Variants in KCTD2 observed in about 807,000 individuals in gnomAD.
KCTD2 encodes potassium channel tetramerization domain containing 2, also known as BTB/POZ domain-containing protein KCTD2.
Under a neutral mutation model 27.9 loss-of-function variants are expected in KCTD2, and 18 were observed. The ratio of observed to expected loss-of-function variants is 0.64; its 90% confidence interval spans 0.45 to 0.96. KCTD2 has a LOEUF of 0.96. Ranked by LOEUF, KCTD2 falls within the 40% of genes least tolerant of loss-of-function variation. KCTD2 has a pLI of 0.00. For synonymous variants in KCTD2, 175 were observed against 148.4 expected, an observed-to-expected ratio of 1.18 and a Z score of -1.30; for missense variants, 280 against 348.0, an observed-to-expected ratio of 0.80 and a Z score of 1.56.
chr17:75,063,109 G>GA lies in KCTD2; in HGVS notation c.*65dup, dbSNP rs1419753014. 1 of 1,475,772 alleles carries GA rather than the reference G, an allele frequency of 6.8e-7. No individual in the cohort carries two copies. The highest frequency in any genetic ancestry group is 9.5e-7 in the Non-Finnish European group (1 of 1,057,398). The allele number at this position is 1,475,772 out of a possible 1,614,324, so 91.4% of individuals were successfully genotyped here. A position where few individuals can be genotyped will look rare whatever the true frequency, so the allele number is the denominator to read the frequency against. ...AGTCAGCAGAGCCCCTCTGTGAAGT[G>GA]AAACCTCACTCCTGTCCAGTGACCG... On this transcript the variant is annotated 3_prime_UTR_variant, in exon 6 of 6. Transcript: ENST00000322444.
intron 4 of KCTD2, among the ~76,000 whole-genome samples, chr17:75,061,562 A>T (rs571605547): frequency 1.1e-4 from 16 of 152,214 alleles, no homozygotes; most frequent in Non-Finnish European, 1.9e-4. Flanking sequence ...ACGTGGGAGG[A>T]TCACTTGAGA....
In KCTD2 at chr17:75,064,396, T is replaced by C. The variant is rs2073436038; in HGVS notation, c.*1349T>C. 1 of 152,224 alleles carries C rather than the reference T, an allele frequency of 6.6e-6. No individual in the cohort carries two copies. The highest frequency in any genetic ancestry group is 1.5e-5 in the Non-Finnish European group (1 of 68,066). 9.4% of individuals were successfully genotyped at this position (152,224 alleles called of 1,614,324 possible). A position where few individuals can be genotyped will look rare whatever the true frequency, so the allele number is the denominator to read the frequency against. ...GGAAGGGGCTCTGGGGACTTCTCCTTCTATGAAAGCCTCCTCGAGCCAGGT... is the reference window on the plus strand; with the variant it reads ...GGAAGGGGCTCTGGGGACTTCTCCTCCTATGAAAGCCTCCTCGAGCCAGGT... On this transcript the variant is annotated 3_prime_UTR_variant, in exon 6 of 6. Transcript: ENST00000322444.
chr17:75,053,865 T>G (rs1325125966), intron 3 of KCTD2, among the ~76,000 whole-genome samples: 1 of 135,388 alleles, frequency 7.4e-6, no homozygotes, highest in African/African-American at 2.9e-5. Context: ...ATGCTTTTTT[T>G]TTTTTTTTTT....
At chr17:75,056,150 G>T (rs1020128371) in intron 3 of KCTD2, among the ~76,000 whole-genome samples, 1 of 152,180 alleles carries the variant, frequency 6.6e-6, no homozygotes, top group Non-Finnish European at 1.5e-5. Context: ...GAAGAGAAGG[G>T]CTTATTCATT....
chr17:75,045,645 G>A (rs1275603383), upstream of KCTD2, among the ~76,000 whole-genome samples: 4 of 149,936 alleles, frequency 2.7e-5, no homozygotes, highest in South Asian at 4.3e-4. Context: ...CCGGCTCACC[G>A]GCGGTCAGAG....
At position 75,040,035 on chromosome 17, in the gene KCTD2, T is replaced by G. The variant is rs565404599; in HGVS notation, c.-259+4678T>G. 2.0e-5 allele frequency: 32 copies of G among 1,577,334 alleles called. No homozygotes were observed. In the African/African-American group the frequency reaches 2.2e-4, roughly 11 times the overall value. ...TCACTCTAACTTAACTTAGCTATAA[T>G]AGAGAGCTGTCAAGATCAAGAGAAT... On this transcript the variant is annotated intron_variant, in intron 3 of 7. Transcript: ENST00000581589.
intron 3 of KCTD2, chr17:75,039,833 G>A (rs890717898): frequency 4.2e-6 from 2 of 474,058 alleles, no homozygotes; most frequent in African/African-American, 2.0e-5. Context: ...CCATCCCCAG[G>A]CAGCCACTGT....
chr17:75,039,873 A>G (rs1340617137), intron 3 of KCTD2: 7 of 573,582 alleles, frequency 1.2e-5, no homozygotes, highest in African/African-American at 3.8e-5. Context: ...GAGTCTTACA[A>G]AGATGGAATC....
intron 4 of KCTD2, chr17:75,060,389 C>T: frequency 3.4e-6 from 5 of 1,486,910 alleles, no homozygotes; most frequent in Non-Finnish European, 4.6e-6. Flanking sequence ...TTCAAGTGAT[C>T]CTCTGCCACT....
At position 75,042,020 on chromosome 17, in the gene KCTD2, C is replaced by T. The variant is rs148316648; in HGVS notation, c.-259+6663C>T. On this transcript the variant is annotated intron_variant, in intron 3 of 7. Transcript: ENST00000581589. ...ATGAACAGAGCCTAAATTCCTGCAC[C>T]TATTTACAGTTCAATCGACCACAAG... The T allele has an allele frequency of 4.9e-3, 2,958 of 604,216 alleles. 9 individuals are homozygous for T. Among genetic ancestry groups the T allele is most frequent in the Non-Finnish European group, 7.0e-3 (2,418 of 346,612 alleles). The allele number at this position is 604,216 out of a possible 1,614,324, so 37.4% of individuals were successfully genotyped here. A position where few individuals can be genotyped will look rare whatever the true frequency, so the allele number is the denominator to read the frequency against.
At chr17:75,042,197 TCCA>T (rs1222265176) in intron 3 of KCTD2, 3 of 1,614,050 alleles carry the variant, frequency 1.9e-6, no homozygotes, top group South Asian at 2.2e-5. Flanking sequence ...CTCAAAGTCA[TCCA>T]CCAAGCCAGC....
At chr17:75,061,223 C>G (rs2073401414) in intron 4 of KCTD2, among the ~76,000 whole-genome samples, 1 of 152,250 alleles carries the variant, frequency 6.6e-6, no homozygotes, top group Admixed American at 6.5e-5. Context: ...CTACCACAGT[C>G]AGCCATGCCG....
intron 2 of KCTD2, among the ~76,000 whole-genome samples, chr17:75,051,916 T>G (rs2073292519): frequency 6.6e-6 from 1 of 152,196 alleles, no homozygotes; most frequent in Non-Finnish European, 1.5e-5. Flanking sequence ...GGCCTTTGAG[T>G]TCATTTAGCA....
intron 5 of KCTD2, among the ~76,000 whole-genome samples, chr17:75,062,699 A>AACACACAC (rs10533801): frequency 0.042 from 4,866 of 115,992 alleles, 271 homozygotes; most frequent in African/African-American, 0.079. Flanking sequence ...CCTCACCCCC[A>AACACACAC]ACACACACAC....
chr17:75,048,443 G>T (rs956891659), intron 1 of KCTD2, among the ~76,000 whole-genome samples: 4 of 152,180 alleles, frequency 2.6e-5, no homozygotes, highest in African/African-American at 9.7e-5. Context: ...CAGAGCTGGA[G>T]TTGCGTAAAC....
intron 3 of KCTD2, chr17:75,039,158 T>C (rs1598684423): frequency 6.2e-7 from 1 of 1,612,300 alleles, no homozygotes; most frequent in Non-Finnish European, 8.5e-7. Flanking sequence ...AGATGTGTGG[T>C]CATGAAAGAG....
chr17:75,065,836 A>T lies in KCTD2; in HGVS notation c.*2789A>T, dbSNP rs565281208. ...TGTTTGTGTGTTTGAATAGTCTGAAATGCTGTGACTTTTTTTGTGTGAATA... is the reference window on the plus strand; with the variant it reads ...TGTTTGTGTGTTTGAATAGTCTGAATTGCTGTGACTTTTTTTGTGTGAATA... On this transcript the variant is annotated 3_prime_UTR_variant, in exon 6 of 6. Transcript: ENST00000322444. The T allele has an allele frequency of 2.6e-5, 4 of 152,182 alleles. No individual in the cohort carries two copies. The highest frequency in any genetic ancestry group is 5.9e-5 in the Non-Finnish European group (4 of 68,032). 9.4% of individuals were successfully genotyped at this position (152,182 alleles called of 1,614,324 possible). A position where few individuals can be genotyped will look rare whatever the true frequency, so the allele number is the denominator to read the frequency against.
chr17:75,057,555 CTTTT>C (rs531046978), intron 3 of KCTD2, among the ~76,000 whole-genome samples: 1 of 133,364 alleles, frequency 7.5e-6, no homozygotes, highest in Non-Finnish European at 1.6e-5. Context: ...AGCTATACCT[CTTTT>C]TTTTTTTTTT....
At chr17:75,045,105 C>T (rs914363188), upstream of KCTD2, among the ~76,000 whole-genome samples, 1 of 152,062 alleles carries the variant, frequency 6.6e-6, no homozygotes, top group Non-Finnish European at 1.5e-5. Flanking sequence ...GCTGGGCGTC[C>T]GGGGGAGACA....
Sources: gnomAD v4.1 joint callset for allele counts (sites outside exome capture counted in the v4.1 genomes callset) on GRCh38, gnomAD v4.1.1 for gene constraint, MANE v1.5 for transcripts, NCBI Gene and HGNC (gene_info 2026-07-23, HGNC 2026-07-21) for gene names.